SORCS1: variants seen among roughly 807,000 people sequenced by gnomAD.
SORCS1 encodes the protein sortilin related VPS10 domain containing receptor 1, also known as VPS10 domain-containing receptor SorCS1.
A neutral mutation model predicts 146.1 loss-of-function variants in SORCS1; 60 were observed. The observed-to-expected ratio is 0.41, with a 90% CI of 0.33 to 0.51. The LOEUF (loss-of-function observed/expected upper bound fraction) is 0.51. SORCS1 is among the 20% of genes least tolerant of loss of function. The pLI is 0.21. For missense variants in SORCS1, 1,352 were observed against 1,487.6 expected, an observed-to-expected ratio of 0.91 and a Z score of 1.50; for synonymous variants, 637 against 584.0, an observed-to-expected ratio of 1.09 and a Z score of -1.31.
At chr10:106,759,676 TA>T (rs1385892462) in intron 5 of SORCS1, among the ~76,000 whole-genome samples, 1 of 152,168 alleles carries the variant, frequency 6.6e-6, no homozygotes, top group Non-Finnish European at 1.5e-5. Flanking sequence ...CTAGTTTAAT[TA>T]GGGGGATGAA....
intron 1 of SORCS1, among the ~76,000 whole-genome samples, chr10:107,142,123 G>C (rs1967897227): frequency 1.3e-5 from 2 of 152,146 alleles, no homozygotes; most frequent in African/African-American, 4.8e-5. Context: ...AATGGACCCT[G>C]GCTTGGCCCT....
intron 2 of SORCS1, among the ~76,000 whole-genome samples, chr10:106,843,415 A>G (rs1949145624): frequency 6.7e-6 from 1 of 148,544 alleles, no homozygotes; most frequent in Middle Eastern, 3.5e-3. Flanking sequence ...TGTTGCGGTA[A>G]AAGGCAGGAT....
At chr10:107,009,805 AT>A (rs1465282218) in intron 1 of SORCS1, among the ~76,000 whole-genome samples, 4 of 152,186 alleles carry the variant, frequency 2.6e-5, no homozygotes, top group Non-Finnish European at 4.4e-5. Flanking sequence ...TCTTTCACCT[AT>A]TGAGAGATGC....
intron 3 of SORCS1, among the ~76,000 whole-genome samples, chr10:106,776,993 C>T (rs1192624571): frequency 2.0e-5 from 3 of 152,150 alleles, no homozygotes; most frequent in African/African-American, 4.8e-5. Context: ...ATTTCCTGAA[C>T]CTGGAACACT....
At chr10:107,081,127 T>C (rs539472692) in intron 1 of SORCS1, among the ~76,000 whole-genome samples, 26 of 152,206 alleles carry the variant, frequency 1.7e-4, no homozygotes, top group Non-Finnish European at 3.2e-4. Context: ...CAAAAAGCTG[T>C]ATCTCTAAAC....
intron 1 of SORCS1, among the ~76,000 whole-genome samples, chr10:107,054,827 C>A (rs535884792): frequency 1.3e-5 from 2 of 152,302 alleles, no homozygotes; most frequent in South Asian, 4.1e-4. Context: ...TTTACCATCT[C>A]TTTGCTGCAT....
intron 5 of SORCS1, among the ~76,000 whole-genome samples, chr10:106,757,354 C>T (rs1172638683): frequency 6.6e-6 from 1 of 152,014 alleles, no homozygotes; most frequent in Non-Finnish European, 1.5e-5. Context: ...ATACACACCC[C>T]CAATAGCCAG....
the SORCS1 span, among the ~76,000 whole-genome samples, chr10:107,171,946 A>T: frequency 6.6e-6 from 1 of 152,134 alleles, no homozygotes; most frequent in African/African-American, 2.4e-5. Flanking sequence ...CCACTCAACT[A>T]CCTGCTCAGT....
intron 1 of SORCS1, among the ~76,000 whole-genome samples, chr10:106,969,385 A>G (rs774041005): frequency 3.3e-5 from 5 of 152,232 alleles, no homozygotes; most frequent in Non-Finnish European, 4.4e-5. Flanking sequence ...CAGTTCCTGA[A>G]TAAGGAATAT....
At chr10:107,011,894 TA>T (rs1295016507) in intron 1 of SORCS1, among the ~76,000 whole-genome samples, 1 of 152,240 alleles carries the variant, frequency 6.6e-6, no homozygotes, top group African/African-American at 2.4e-5. Context: ...GTTGTCTATT[TA>T]AATATTGATA....
upstream of SORCS1, among the ~76,000 whole-genome samples, chr10:107,164,828 G>C (rs1969993232): frequency 6.8e-6 from 1 of 147,282 alleles, no homozygotes; most frequent in South Asian, 2.1e-4. This position sits in a 1 kb window ranked among gnomAD's most constrained non-coding sequence, Gnocchi z 6.8. Flanking sequence ...GGCGCTGCCG[G>C]GACTCCGGGC....
At chr10:107,030,084 T>G (rs906640927) in intron 1 of SORCS1, among the ~76,000 whole-genome samples, 2 of 152,158 alleles carry the variant, frequency 1.3e-5, no homozygotes, top group Non-Finnish European at 2.9e-5. Flanking sequence ...ACCGTTTTTC[T>G]ACTTGAAAAA....
intron 1 of SORCS1, among the ~76,000 whole-genome samples, chr10:107,038,705 A>T (rs561928541): frequency 1.4e-5 from 2 of 144,116 alleles, no homozygotes; most frequent in Non-Finnish European, 3.1e-5. Context: ...GCGGGGGGGG[A>T]GGTGGTAGTG....
intron 1 of SORCS1, among the ~76,000 whole-genome samples, chr10:106,992,562 A>T (rs1956808841): frequency 1.3e-5 from 2 of 151,822 alleles, no homozygotes; most frequent in Non-Finnish European, 2.9e-5. Context: ...TGGCACAATC[A>T]CAGCTCACTG....
At chr10:107,070,788 T>C (rs1041194350) in intron 1 of SORCS1, among the ~76,000 whole-genome samples, 4 of 152,170 alleles carry the variant, frequency 2.6e-5, no homozygotes, top group African/African-American at 9.7e-5. Flanking sequence ...AATGACTATG[T>C]TACTGAATAC....
chr10:107,000,458 T>G (rs922588217), intron 1 of SORCS1, among the ~76,000 whole-genome samples: 2 of 143,888 alleles, frequency 1.4e-5, no homozygotes, highest in African/African-American at 5.7e-5. Flanking sequence ...AAAAAAAAAA[T>G]TATCTGGGCG....
intron 1 of SORCS1, among the ~76,000 whole-genome samples, chr10:106,972,040 C>G (rs1179794632): frequency 6.6e-6 from 1 of 152,002 alleles, no homozygotes; most frequent in Non-Finnish European, 1.5e-5. Flanking sequence ...TTCATTTAAC[C>G]TGTTTTTATT....
chr10:107,034,119 C>T (rs1278645197), intron 1 of SORCS1, among the ~76,000 whole-genome samples: 4 of 152,154 alleles, frequency 2.6e-5, no homozygotes, highest in Admixed American at 2.6e-4. Flanking sequence ...CTGATCAATT[C>T]AACAGGAAAA....
At chr10:107,072,418 A>G (rs1962509679) in intron 1 of SORCS1, among the ~76,000 whole-genome samples, 2 of 152,314 alleles carry the variant, frequency 1.3e-5, no homozygotes, top group Admixed American at 6.5e-5. Context: ...GATGCCTTGG[A>G]ACGGCTAATA....
Sources: gnomAD v4.1 joint callset for allele counts (sites outside exome capture counted in the v4.1 genomes callset) on GRCh38, gnomAD v4.1.1 for gene constraint, Gnocchi (gnomAD v3.1) non-coding constraint, MANE v1.5 for transcripts, NCBI Gene and HGNC (gene_info 2026-07-23, HGNC 2026-07-21) for gene names.